TBL3: variants seen among roughly 807,000 people sequenced by gnomAD.
TBL3 encodes transducin beta like 3.
Under a neutral mutation model 102.7 loss-of-function variants are expected in TBL3, and 71 were observed. The ratio of observed to expected loss-of-function variants is 0.69; its 90% CI spans 0.57 to 0.84. The LOEUF is 0.84. Ranked by LOEUF, TBL3 falls within the 40% of genes least tolerant of loss-of-function variation. The pLI is 0.00. For synonymous variants in TBL3, 578 were observed against 477.7 expected, an observed-to-expected ratio of 1.21 and a Z score of -2.74; for missense variants, 1,188 against 1,098.5, an observed-to-expected ratio of 1.08 and a Z score of -1.15.
Position 1,974,775 on chromosome 16 carries a change from G to A in TBL3, c.392G>A (p.Gly131Glu), listed in dbSNP as rs1322938097. The change falls in exon 6 of 22, where the codon GGG (glycine) becomes GAG (glutamate). Residue 131 changes from glycine (G) to glutamate (E), a missense_variant. Transcript: ENST00000568546. ...STLLATGGCD[G>E]AVRVWDIVRH... ...TGCTTCCCCGCAGGTGGCTGTGATGGGGCCGTGCGCGTCTGGGACATCGTG... is the reference window on the plus strand; with the variant it reads ...TGCTTCCCCGCAGGTGGCTGTGATGAGGCCGTGCGCGTCTGGGACATCGTG... 1 of 1,612,926 alleles carries A rather than the reference G, an allele frequency of 6.2e-7. No homozygotes were observed. Among genetic ancestry groups the A allele is most frequent in the Non-Finnish European group, 8.5e-7 (1 of 1,179,972 alleles).
rs2083416560 is a variant in TBL3 at position 1,977,818 on chromosome 16, G to C, written c.1958+18G>C. The C allele has an allele frequency of 6.4e-7, 1 of 1,557,478 alleles. No homozygotes were observed. Among genetic ancestry groups the C allele is most frequent in the Non-Finnish European group, 8.7e-7 (1 of 1,150,524 alleles). On this transcript the variant is annotated intron_variant, in intron 18 of 21. Transcript: ENST00000568546. Reference sequence around the variant, plus strand: ...GTGGTCAGGTAAGGCCAGGGCAGTGGCGCCCCTCCCCGCATCAGCCCTGCT... The same window carrying C: ...GTGGTCAGGTAAGGCCAGGGCAGTGCCGCCCCTCCCCGCATCAGCCCTGCT...
chr16:1,977,645 G>A lies in TBL3; in HGVS notation c.1874G>A (p.Ser625Asn). The change falls in exon 17 of 22, where the codon AGT becomes AAT. Residue 625 changes from serine (S) to asparagine (N), a missense_variant. Physicochemically the swap from Ser to Asn is conservative, Grantham distance 46. Transcript: ENST00000568546. ...RLDDHALTGA[S>N]DSRVILWKDV... Reference sequence around the variant, plus strand: ...GACGACCACGCCCTCACTGGGGCCAGTGACTCCCGAGTCATCCTCTGGAAG... The same window carrying A: ...GACGACCACGCCCTCACTGGGGCCAATGACTCCCGAGTCATCCTCTGGAAG... The A allele has an allele frequency of 1.3e-6, 2 of 1,552,122 alleles. No individual in the cohort carries two copies. The highest frequency in any genetic ancestry group is 1.7e-6 in the Non-Finnish European group (2 of 1,147,328).
chr16:1,979,091 C>G lies in TBL3; in HGVS notation c.*406C>G, dbSNP rs1451574528. ...TGGGGTGCGGCACAGAGTCCACGCA[C>G]CCTCGAGGGCGGCCCTGGCGCCGTG... On this transcript the variant is annotated 3_prime_UTR_variant, in exon 22 of 22. Transcript: ENST00000568546. The G allele has an allele frequency of 1.3e-6, 2 of 1,510,950 alleles. No homozygotes were observed. Among genetic ancestry groups the G allele is most frequent in the Non-Finnish European group, 1.7e-6 (2 of 1,144,942 alleles). The allele number at this position is 1,510,950 out of a possible 1,614,324, so 93.6% of individuals were successfully genotyped here. A position where few individuals can be genotyped will look rare whatever the true frequency, so the allele number is the denominator to read the frequency against.
rs993720074 is a variant in TBL3, at chr16:1,977,045, C to T, written c.1441-9C>T. 4.3e-6 allele frequency: 7 copies of T among 1,612,964 alleles called. No individual in the cohort carries two copies. The African/African-American group carries it at 5.3e-5, about 12-fold the overall frequency. On this transcript the variant is annotated splice_polypyrimidine_tract_variant and intron_variant, in intron 14 of 21. Transcript: ENST00000568546. ...GGATTGCTGAGCCACCACCTTCTCC[C>T]ATTGCCAGGACATCAACAGCGTGGC...
chr16:1,978,885 G>C lies in TBL3; in HGVS notation c.*200G>C. 1.9e-6 allele frequency: 2 copies of C among 1,071,360 alleles called. No homozygotes were observed. Among genetic ancestry groups the C allele is most frequent in the Non-Finnish European group, 2.6e-6 (2 of 756,278 alleles). 66.4% of individuals were successfully genotyped at this position (1,071,360 alleles called of 1,614,324 possible). A position where few individuals can be genotyped will look rare whatever the true frequency, so the allele number is the denominator to read the frequency against. On this transcript the variant is annotated 3_prime_UTR_variant, in exon 22 of 22. Coordinates refer to ENST00000568546, the MANE Select transcript of TBL3 (RefSeq NM_006453.3). ...CGCACCCTGGCCTGGCAGAGATCCA[G>C]CCCGCGGCTCCGCACGCTTAGACGG...
In TBL3 at chr16:1,976,189, C is replaced by T. The variant is rs376776459; in HGVS notation, c.1189-22C>T. ...GCAGTAGGCCCATGGACCAGCCTCT[C>T]TCCTCAACTCCCTGTCCCCAGGATC... On this transcript the variant is annotated intron_variant, in intron 12 of 21. Coordinates refer to ENST00000568546, the MANE Select transcript of TBL3 (RefSeq NM_006453.3). The T allele has an allele frequency of 1.1e-5, 18 of 1,614,082 alleles. No individual in the cohort carries two copies. In the African/African-American group the frequency reaches 2.3e-4, roughly 20 times the overall value.
Position 1,979,484 on chromosome 16 carries a change from C to G in TBL3, c.*799C>G, listed in dbSNP as rs577771307. On this transcript the variant is annotated 3_prime_UTR_variant, in exon 22 of 22. Transcript: ENST00000568546. Reference sequence around the variant, plus strand: ...ACACGCGCACGCGCGCCCCCGCGGGCACGGACAGCTCATCTGCGCGGCTGC... The same window carrying G: ...ACACGCGCACGCGCGCCCCCGCGGGGACGGACAGCTCATCTGCGCGGCTGC... The G allele has an allele frequency of 3.8e-5, 61 of 1,611,924 alleles. No individual in the cohort carries two copies. Among genetic ancestry groups the G allele is most frequent in the Non-Finnish European group, 4.7e-5 (56 of 1,179,574 alleles).
In TBL3 at chr16:1,975,033, G is replaced by GCTGA. The variant is rs2083389032; in HGVS notation, c.574_577dup (p.Ala193AspfsTer25). Reference sequence around the variant, plus strand: ...TGCAGGACCGGTCATGCCTGGCTGTGCTGACTGCCCACTACAGCGCCGTCA... The same window carrying GCTGA: ...TGCAGGACCGGTCATGCCTGGCTGTGCTGACTGACTGCCCACTACAGCGCCGTCA... On this transcript the variant is annotated frameshift_variant, in exon 7 of 22. Coordinates refer to ENST00000568546, the MANE Select transcript of TBL3 (RefSeq NM_006453.3). LOFTEE classifies it high-confidence loss of function. 6.2e-7 allele frequency: 1 copy of GCTGA among 1,607,166 alleles called. No individual in the cohort carries two copies. Among genetic ancestry groups the GCTGA allele is most frequent in the Non-Finnish European group, 8.5e-7 (1 of 1,179,996 alleles).
rs769312397 is a variant in TBL3 at position 1,975,915 on chromosome 16, G to A, written c.1095G>A (p.Gln365=). The change falls in exon 11 of 22, where the codon CAG becomes CAA. Residue 365 remains glutamine, a synonymous_variant. Transcript: ENST00000568546. ...NSPCLKVFEL[Q]TSACQILHGH... is the part of the protein sequence containing the mutation. The stretch of plus-strand genomic sequence containing the variant: ...CCTGCCTAAAAGTGTTTGAGCTGCA[G>A]ACGTCAGCCTGCCAGATCCTCCACG... 6.8e-6 allele frequency: 11 copies of A among 1,614,130 alleles called. No homozygotes were observed. Among genetic ancestry groups the A allele is most frequent in the Non-Finnish European group, 9.3e-6 (11 of 1,180,032 alleles).
intron 10 of TBL3, 29 bp downstream of exon 10, chr16:1,975,739 G>A: frequency 6.2e-7 from 1 of 1,612,960 alleles, no homozygotes; most frequent in Non-Finnish European, 8.5e-7. Context: ...TCAGTCTGGA[G>A]GCTGCGGGCA....
Position 1,980,677 on chromosome 16 carries a change from G to A in TBL3, c.*1992G>A. 6.2e-7 allele frequency: 1 copy of A among 1,607,178 alleles called. No homozygotes were observed. Among genetic ancestry groups the A allele is most frequent in the African/African-American group, 1.3e-5 (1 of 75,014 alleles). ...TGACCGAGAAGCTTTGGGAGAACGC[G>A]GTCAGATCTCCGCAGCAGGCCCGCC... is the stretch of plus-strand genomic sequence containing the variant. On this transcript the variant is annotated 3_prime_UTR_variant, in exon 22 of 22. Coordinates refer to ENST00000568546, the MANE Select transcript of TBL3 (RefSeq NM_006453.3).
rs1307213439 is a variant in TBL3 at position 1,974,206 on chromosome 16, A to G, written c.103A>G (p.Thr35Ala). The change falls in exon 3 of 22, where the codon ACT (threonine) becomes GCT (alanine). Residue 35 changes from threonine to alanine, a missense_variant. Transcript: ENST00000568546. ...YKGGKAQLDQTGQHLFCVCGT... is the reference protein window; with the variant it reads ...YKGGKAQLDQAGQHLFCVCGT... ...ACCTCTCTGTCCCCAGCTGGACCAG[A>G]CTGGCCAGCACCTCTTCTGCGTCTG... 9 of 1,593,862 alleles carry G rather than the reference A, an allele frequency of 5.6e-6. No homozygotes were observed. Among genetic ancestry groups the G allele is most frequent in the Non-Finnish European group, 7.7e-6 (9 of 1,168,412 alleles).
rs777368177 is a variant in TBL3 at position 1,980,156 on chromosome 16, C to T, written c.*1471C>T. On this transcript the variant is annotated 3_prime_UTR_variant, in exon 22 of 22. Transcript: ENST00000568546. ...CCCGCAGCGCGAGAAAGAGGCTGCTCCTCTGGGGTGGGCAGGATCACCCGG... is the reference window on the plus strand; with the variant it reads ...CCCGCAGCGCGAGAAAGAGGCTGCTTCTCTGGGGTGGGCAGGATCACCCGG... The T allele has an allele frequency of 6.2e-7, 1 of 1,604,320 alleles. No individual in the cohort carries two copies. The highest frequency in any genetic ancestry group is 8.5e-7 in the Non-Finnish European group (1 of 1,177,924).
Position 1,979,300 on chromosome 16 carries a change from C to T in TBL3, c.*615C>T. On this transcript the variant is annotated 3_prime_UTR_variant, in exon 22 of 22. Transcript: ENST00000568546. ...GTCCCGCTCAGGAGAGCGCCCAGCC[C>T]TTCCGGCCGCAGCAGCACCGCGGGG... The T allele has an allele frequency of 5.1e-6, 8 of 1,566,078 alleles. No individual in the cohort carries two copies. The highest frequency in any genetic ancestry group is 1.4e-5 in the African/African-American group (1 of 73,688).
rs758153013 is a variant in TBL3, at chr16:1,980,141, G to A, written c.*1456G>A. On this transcript the variant is annotated 3_prime_UTR_variant, in exon 22 of 22. Coordinates refer to ENST00000568546, the MANE Select transcript of TBL3 (RefSeq NM_006453.3). ...TGGATGGAGAGGCGGCCCGCAGCGC[G>A]AGAAAGAGGCTGCTCCTCTGGGGTG... 65 of 1,605,802 alleles carry A rather than the reference G, an allele frequency of 4.0e-5. No homozygotes were observed. Among genetic ancestry groups the A allele is most frequent in the Non-Finnish European group, 5.3e-5 (63 of 1,178,416 alleles).
Position 1,977,545 on chromosome 16 carries a change from A to T in TBL3, c.1774A>T (p.Ile592Phe), listed in dbSNP as rs751521510. The T allele has an allele frequency of 6.2e-7, 1 of 1,601,358 alleles. No individual in the cohort carries two copies. The highest frequency in any genetic ancestry group is 1.1e-5 in the South Asian group (1 of 89,746). ...GSDGLVKLWTIKNNECVRTLD... is the reference protein window; with the variant it reads ...GSDGLVKLWTFKNNECVRTLD... ...GGATGGCCTCGTGAAGCTCTGGACC[A>T]TCAAGAACAACGAGTGTGTGCGGAC... The change falls in exon 17 of 22, where the codon ATC becomes TTC. Residue 592 changes from isoleucine to phenylalanine, a missense_variant. By Grantham distance (21) the Ile-to-Phe change is conservative. Transcript: ENST00000568546.
chr16:1,974,463 CT>C (rs920104290), intron 4 of TBL3, 40 bp downstream of exon 4: 1 of 1,591,610 alleles, frequency 6.3e-7, no homozygotes, highest in African/African-American at 1.3e-5. Flanking sequence ...GCTCCAGCGC[CT>C]CCCTCCCAGA....
chr16:1,979,293 C>A lies in TBL3; in HGVS notation c.*608C>A. 1 of 1,562,482 alleles carries A rather than the reference C, an allele frequency of 6.4e-7. No individual in the cohort carries two copies. Among genetic ancestry groups the A allele is most frequent in the South Asian group, 1.2e-5 (1 of 86,454 alleles). The stretch of plus-strand genomic sequence containing the variant: ...GAACCCCGTCCCGCTCAGGAGAGCG[C>A]CCAGCCCTTCCGGCCGCAGCAGCAC... On this transcript the variant is annotated 3_prime_UTR_variant, in exon 22 of 22. Transcript: ENST00000568546.
chr16:1,978,849 C>T lies in TBL3; in HGVS notation c.*164C>T. Reference sequence around the variant, plus strand: ...CTGGAGCTGATGGTCTCGGCCCTGCCACGCCCATCCCGCACCCTGGCCTGG... The same window carrying T: ...CTGGAGCTGATGGTCTCGGCCCTGCTACGCCCATCCCGCACCCTGGCCTGG... On this transcript the variant is annotated 3_prime_UTR_variant, in exon 22 of 22. Coordinates refer to ENST00000568546, the MANE Select transcript of TBL3 (RefSeq NM_006453.3). 8.8e-7 allele frequency: 1 copy of T among 1,142,836 alleles called. No individual in the cohort carries two copies. The highest frequency in any genetic ancestry group is 1.5e-5 in the South Asian group (1 of 65,858). 70.8% of individuals were successfully genotyped at this position (1,142,836 alleles called of 1,614,324 possible).
Sources: gnomAD v4.1 joint callset for allele counts on GRCh38, gnomAD v4.1.1 for gene constraint, MANE v1.5 for transcripts, NCBI Gene and HGNC (gene_info 2026-07-23, HGNC 2026-07-21) for gene names.